Variants in TJP1 observed in about 807,000 individuals in gnomAD.
The protein encoded by TJP1 is tight junction protein 1, also known as tight junction protein ZO-1.
A neutral mutation model predicts 194.2 loss-of-function variants in TJP1; 43 were observed. The observed-to-expected ratio is 0.22, with a 90% CI of 0.17 to 0.29. The LOEUF is 0.29. Ranked by LOEUF, TJP1 falls within the 10% of genes least tolerant of loss-of-function variation. The pLI, the probability that TJP1 is intolerant of heterozygous loss-of-function variation, is 1.00. For synonymous variants in TJP1, 801 were observed against 779.0 expected (o/e 1.03, Z -0.47); for missense variants, 1,971 against 2,185.7 (o/e 0.90, Z 1.96).
Position 29,719,911 on chromosome 15 carries a change from C to G in TJP1, c.2869G>C (p.Glu957Gln), listed in dbSNP as rs1270652746. ...HNVNLTNVRL[E>Q]EPTPAPSTSY... ...GTGGAAGGAGCTGGGGTGGGCTCCT[C>G]CAGTCTGACATTAGTTAAATTTACA... The change falls in exon 20 of 28, where the codon GAG (glutamate) becomes CAG (glutamine). Residue 957 changes from glutamate to glutamine, a missense_variant. Coordinates refer to ENST00000614355, the MANE Select transcript of TJP1 (RefSeq NM_001330239.4). The G allele has an allele frequency of 9.3e-6, 15 of 1,613,910 alleles. No homozygotes were observed. The highest frequency in any genetic ancestry group is 1.3e-5 in the Non-Finnish European group (15 of 1,180,022).
At position 29,728,093 on chromosome 15, in the gene TJP1, C is replaced by T. The variant is rs1021337499; in HGVS notation, c.2018-74G>A. ...AGACAGGAGTTTCTCAACTACTGGC[C>T]ACAACTGATATGCCGGACTGGATAG... is the stretch of plus-strand genomic sequence containing the variant. On this transcript the variant is annotated intron_variant, in intron 15 of 27. Transcript: ENST00000614355. The T allele has an allele frequency of 7.4e-6, 9 of 1,208,772 alleles. No individual in the cohort carries two copies. The African/African-American group carries it at 1.3e-4, about 18-fold the overall frequency. The allele number at this position is 1,208,772 out of a possible 1,614,324, so 74.9% of individuals were successfully genotyped here.
At chr15:29,743,090 T>G (rs2044533343) in intron 8 of TJP1, 1 of 191,344 alleles carries the variant, frequency 5.2e-6, no homozygotes, top group African/African-American at 2.3e-5. Context: ...TCGGGACAAC[T>G]GTCCACAAAT....
intron 4 of TJP1, among the ~76,000 whole-genome samples, chr15:29,769,804 A>G (rs772052919): frequency 5.9e-5 from 9 of 152,196 alleles, no homozygotes; most frequent in South Asian, 2.1e-4. Context: ...AGCAGATACA[A>G]TATGTACAGA....
intron 2 of TJP1, among the ~76,000 whole-genome samples, chr15:29,862,979 C>T (rs1402873732): frequency 6.6e-6 from 1 of 150,732 alleles, no homozygotes; most frequent in Non-Finnish European, 1.5e-5. Context: ...GGCAATGACA[C>T]CACCAGATCT....
chr15:29,821,861 G>A, intron 1 of TJP1, 141 bp downstream of exon 1: 1 of 829,228 alleles, frequency 1.2e-6, no homozygotes, highest in Non-Finnish European at 1.4e-6. Flanking sequence ...GCGGCCCGCG[G>A]CCCCGCGCCA....
At chr15:29,824,071 G>A (rs1350648091), upstream of TJP1, 3 of 84,196 alleles carry the variant, frequency 3.6e-5, no homozygotes, top group African/African-American at 1.5e-4. Context: ...CAACCAGCAA[G>A]ACTCTGTCTC....
At chr15:29,770,806 T>G (rs1307488936) in intron 4 of TJP1, among the ~76,000 whole-genome samples, 1 of 152,036 alleles carries the variant, frequency 6.6e-6, no homozygotes, top group South Asian at 2.1e-4. Flanking sequence ...AAAGTTTCAG[T>G]AAGCTAAGGT....
chr15:29,770,299 C>G (rs368951203), intron 4 of TJP1, among the ~76,000 whole-genome samples: 2 of 151,718 alleles, frequency 1.3e-5, no homozygotes, highest in Non-Finnish European at 2.9e-5. Flanking sequence ...ATACAAAATA[C>G]GGGCTTGGTA....
At chr15:29,961,326 T>A in intron 1 of TJP1, among the ~76,000 whole-genome samples, 1 of 143,418 alleles carries the variant, frequency 7.0e-6, no homozygotes, top group Non-Finnish European at 1.5e-5. Flanking sequence ...GTTTTACTTT[T>A]CCTAATTCTT....
chr15:29,792,976 T>C (rs546557153), intron 2 of TJP1, among the ~76,000 whole-genome samples: 1 of 152,370 alleles, frequency 6.6e-6, no homozygotes, highest in South Asian at 2.1e-4. Context: ...CATCCTGCAA[T>C]TTTACTAAAC....
intron 2 of TJP1, among the ~76,000 whole-genome samples, chr15:29,864,896 C>G (rs1425022541): frequency 6.6e-6 from 1 of 152,008 alleles, no homozygotes; most frequent in Admixed American, 6.6e-5. Context: ...TTATAAAGAC[C>G]TATATTCTGT....
intron 2 of TJP1, among the ~76,000 whole-genome samples, chr15:29,828,729 TTGAG>T (rs1161073685): frequency 3.3e-5 from 4 of 122,110 alleles, no homozygotes; most frequent in Non-Finnish European, 6.6e-5. Context: ...ACTGAATGAA[TTGAG>T]TCTTTTTTTT....
chr15:29,763,222 G>C (rs2046119260), intron 5 of TJP1, among the ~76,000 whole-genome samples: 1 of 152,150 alleles, frequency 6.6e-6, no homozygotes, highest in Non-Finnish European at 1.5e-5. Flanking sequence ...AGGAATGTTG[G>C]AAGTTGAGGA....
chr15:29,822,581 G>C, upstream of TJP1: 1 of 691,430 alleles, frequency 1.4e-6, no homozygotes, highest in Non-Finnish European at 1.8e-6. Context: ...GGGAGGGGGC[G>C]GGACGAGCGG....
chr15:29,779,283 T>A (rs2047206146), intron 2 of TJP1, among the ~76,000 whole-genome samples: 2 of 152,196 alleles, frequency 1.3e-5, no homozygotes, highest in African/African-American at 2.4e-5. Context: ...GATACTGCCA[T>A]TTTTCAAACA....
intron 21 of TJP1, 55 bp from the exon 22 acceptor site, chr15:29,718,173 A>T (rs2042686304): frequency 6.4e-7 from 1 of 1,569,172 alleles, no homozygotes; most frequent in Non-Finnish European, 8.5e-7. Context: ...ACAGATAATT[A>T]ACAGAATAGA....
At chr15:29,949,159 T>TACCTCCACCACCTCCACCACC (rs1567223810) in intron 2 of TJP1, among the ~76,000 whole-genome samples, 12 of 50,506 alleles carry the variant, frequency 2.4e-4, no homozygotes, top group African/African-American at 9.2e-4. Flanking sequence ...CCTCCACTAC[T>TACCTCCACCACCTCCACCACC]ACCTCCACCA....
chr15:29,727,774 C>T (rs2043334224), intron 16 of TJP1, among the ~76,000 whole-genome samples, 163 bp downstream of exon 16: 1 of 152,188 alleles, frequency 6.6e-6, no homozygotes, highest in African/African-American at 2.4e-5. Context: ...TAACTATTCT[C>T]TTGAAAGTAA....
rs762790188 is a variant in TJP1, at chr15:29,710,884, T to C, written c.4319A>G (p.Gln1440Arg). The C allele has an allele frequency of 3.1e-6, 5 of 1,614,144 alleles. No homozygotes were observed. Among genetic ancestry groups the C allele is most frequent in the Non-Finnish European group, 4.2e-6 (5 of 1,180,038 alleles). ...PLPSQYAQPS[Q>R]PVTSASLHIH... ...GTGGAGAGACGCGCTGGTGACAGGC[T>C]GAGATGGCTGGGCATACTGCGAGGG... Residue 1440 changes from glutamine to arginine, a missense_variant, in exon 24 of 28, where the codon CAG becomes CGG. By Grantham distance (43) the Gln-to-Arg change is conservative. Around this residue, in one of 5 missense-constraint regions of TJP1, gnomAD observed 1,108 missense variants for 1,128.5 expected, o/e 0.98. Transcript: ENST00000614355.
Sources: gnomAD v4.1 joint callset for allele counts (sites outside exome capture counted in the v4.1 genomes callset) on GRCh38, gnomAD v4.1.1 for gene constraint, gnomAD v4.1.1 regional missense constraint, MANE v1.5 for transcripts, NCBI Gene and HGNC (gene_info 2026-07-23, HGNC 2026-07-21) for gene names.